The following PIP4K2A variants were observed in gnomAD, a reference collection of about 807,000 sequenced individuals.
PIP4K2A encodes the protein phosphatidylinositol-5-phosphate 4-kinase type 2 alpha.
PIP4K2A carries 14 observed loss-of-function variants against 42.9 expected under a neutral mutation model. The ratio of observed to expected loss-of-function variants is 0.33; its 90% CI spans 0.22 to 0.51. The LOEUF is 0.51. Ranked by LOEUF, PIP4K2A falls within the 20% of genes least tolerant of loss-of-function variation. PIP4K2A has a pLI of 0.97. For synonymous variants in PIP4K2A, 192 were observed against 192.2 expected, an observed-to-expected ratio of 1.00 and a Z score of 0.01; for missense variants, 434 against 519.8, an observed-to-expected ratio of 0.83 and a Z score of 1.61.
intron 4 of PIP4K2A, among the ~76,000 whole-genome samples, chr10:22,578,903 T>A (rs1484922081): frequency 6.6e-6 from 1 of 152,156 alleles, no homozygotes; most frequent in African/African-American, 2.4e-5. Context: ...AGATGCCTAC[T>A]CTCTCCGCTC....
At chr10:22,631,179 C>T (rs546774560) in intron 1 of PIP4K2A, among the ~76,000 whole-genome samples, 1 of 152,276 alleles carries the variant, frequency 6.6e-6, no homozygotes, top group South Asian at 2.1e-4. Context: ...TTTTTAATAA[C>T]CTTTTTGTAA....
chr10:22,688,268 G>A (rs1839799653), intron 1 of PIP4K2A, among the ~76,000 whole-genome samples: 1 of 152,172 alleles, frequency 6.6e-6, no homozygotes, highest in South Asian at 2.1e-4. Flanking sequence ...AGTAACTTAC[G>A]TACAGTATCA....
In PIP4K2A at chr10:22,536,565, T is replaced by C. The variant is rs1835924245; in HGVS notation, c.*636A>G. 6.3e-6 allele frequency: 1 copy of C among 158,436 alleles called. No individual in the cohort carries two copies. Among genetic ancestry groups the C allele is most frequent in the African/African-American group, 2.4e-5 (1 of 41,642 alleles). The allele number at this position is 158,436 out of a possible 1,614,324, so 9.8% of individuals were successfully genotyped here. A position where few individuals can be genotyped will look rare whatever the true frequency, so the allele number is the denominator to read the frequency against. On this transcript the variant is annotated 3_prime_UTR_variant, in exon 10 of 10. Transcript: ENST00000376573. ...CATTCTTCCGTCCAGTGCTGGGGGC[T>C]CAGGTTATCAGTGTTAGGGAGAGTG...
Position 22,579,413 on chromosome 10 carries a change from C to T in PIP4K2A, c.493-5956G>A, listed in dbSNP as rs74718165. On this transcript the variant is annotated intron_variant, in intron 4 of 9. Transcript: ENST00000376573. ...TTCACACTTAAAATTCTCTCAACTT[C>T]CCAAAGTTTGTATGCACTGATAAAG... Among the ~76,000 whole-genome samples the T allele has an allele frequency of 2.0e-3, 303 of 152,328 alleles. 1 individual carries two copies. The highest frequency in any genetic ancestry group is 3.7e-3 in the Non-Finnish European group (249 of 68,032).
intron 1 of PIP4K2A, among the ~76,000 whole-genome samples, chr10:22,623,663 G>C (rs1448254209): frequency 2.6e-5 from 4 of 152,154 alleles, no homozygotes; most frequent in African/African-American, 9.7e-5. Context: ...ACCAATTGTA[G>C]GTTACATGTG....
At chr10:22,567,944 C>G (rs780798147) in intron 5 of PIP4K2A, 55 bp from the exon 6 acceptor site, 1 of 1,492,616 alleles carries the variant, frequency 6.7e-7, no homozygotes, top group Non-Finnish European at 9.4e-7. Context: ...GGGTTTCACA[C>G]GCAGAAAATA....
chr10:22,601,335 G>GT (rs1189925680), intron 3 of PIP4K2A, among the ~76,000 whole-genome samples: 2 of 152,066 alleles, frequency 1.3e-5, no homozygotes, highest in Non-Finnish European at 2.9e-5. Flanking sequence ...GGGGTCCCAG[G>GT]TGGGGGCAGG....
At chr10:22,539,633 C>T (rs960614706) in intron 9 of PIP4K2A, 11 of 242,204 alleles carry the variant, frequency 4.5e-5, no homozygotes, top group African/African-American at 1.8e-4. Context: ...CCTAGTGATG[C>T]GCATGCCTGT....
intron 1 of PIP4K2A, among the ~76,000 whole-genome samples, chr10:22,680,460 G>A (rs913976536): frequency 6.6e-6 from 1 of 152,082 alleles, no homozygotes; most frequent in Non-Finnish European, 1.5e-5. Context: ...TGTCTTAGAT[G>A]AGCCACACGT....
Position 22,633,957 on chromosome 10 carries a change from C to T in PIP4K2A, c.145-24240G>A, listed in dbSNP as rs533837802. Among the ~76,000 whole-genome samples the T allele has an allele frequency of 2.6e-5, 4 of 152,326 alleles. No individual in the cohort carries two copies. The East Asian group carries it at 7.7e-4, about 29-fold the overall frequency. ...TCCACAACAGTGCCTGGCTCAGGCA[C>T]TTCACTGTCATTGTCATCACTGTCC... is the stretch of plus-strand genomic sequence containing the variant. On this transcript the variant is annotated intron_variant, in intron 1 of 9. Coordinates refer to ENST00000376573, the MANE Select transcript of PIP4K2A (RefSeq NM_005028.5).
intron 9 of PIP4K2A, among the ~76,000 whole-genome samples, chr10:22,537,633 T>C (rs1564409812): frequency 6.6e-6 from 1 of 152,168 alleles, no homozygotes; most frequent in Non-Finnish European, 1.5e-5. Flanking sequence ...AATACTTATG[T>C]TATACTTTTC....
intron 7 of PIP4K2A, among the ~76,000 whole-genome samples, chr10:22,546,555 G>T (rs1836262063): frequency 6.6e-6 from 1 of 152,106 alleles, no homozygotes; most frequent in Non-Finnish European, 1.5e-5. Flanking sequence ...AGGACCACAG[G>T]CATGCACCAC....
intron 7 of PIP4K2A, among the ~76,000 whole-genome samples, chr10:22,544,108 A>C (rs540766625): frequency 3.9e-4 from 59 of 152,200 alleles, no homozygotes; most frequent in Non-Finnish European, 7.8e-4. Flanking sequence ...TAACGAGTTA[A>C]AATCAGCTGG....
intron 6 of PIP4K2A, among the ~76,000 whole-genome samples, chr10:22,562,689 G>A (rs181777402): frequency 7.2e-5 from 11 of 152,270 alleles, no homozygotes; most frequent in Non-Finnish European, 1.3e-4. Flanking sequence ...CGTGAATGAC[G>A]ACTTTCCCCT....
chr10:22,696,291 T>G (rs542194241), intron 1 of PIP4K2A, among the ~76,000 whole-genome samples: 1 of 152,352 alleles, frequency 6.6e-6, no homozygotes, highest in Non-Finnish European at 1.5e-5. Context: ...ACACAGGCTA[T>G]AAGGGTCTCT....
intron 4 of PIP4K2A, among the ~76,000 whole-genome samples, chr10:22,581,460 T>C (rs1837277606): frequency 6.6e-6 from 1 of 151,204 alleles, no homozygotes; most frequent in Non-Finnish European, 1.5e-5. Context: ...TGCATTGCAT[T>C]TTAAAATGTT....
chr10:22,594,345 A>C (rs771911198), intron 3 of PIP4K2A, among the ~76,000 whole-genome samples: 3 of 152,220 alleles, frequency 2.0e-5, no homozygotes, highest in Non-Finnish European at 2.9e-5. Flanking sequence ...TTTACTAATT[A>C]AAGAAGGGTT....
At chr10:22,574,442 CTG>C (rs1049515672) in intron 4 of PIP4K2A, among the ~76,000 whole-genome samples, 5 of 15,564 alleles carry the variant, frequency 3.2e-4, no homozygotes, top group African/African-American at 8.7e-4. Context: ...TTTTCATTTT[CTG>C]TTTTTTTTTT....
intron 7 of PIP4K2A, among the ~76,000 whole-genome samples, chr10:22,545,070 A>G (rs1056100459): frequency 2.0e-5 from 3 of 152,166 alleles, no homozygotes; most frequent in African/African-American, 4.8e-5. Flanking sequence ...GCATTCCCGA[A>G]TCCCGGCAGG....
Sources: gnomAD v4.1 joint callset for allele counts (sites outside exome capture counted in the v4.1 genomes callset) on GRCh38, gnomAD v4.1.1 for gene constraint, MANE v1.5 for transcripts, NCBI Gene and HGNC (gene_info 2026-07-23, HGNC 2026-07-21) for gene names.